Variants in IPMK observed in about 807,000 individuals in gnomAD.
IPMK encodes inositol polyphosphate multikinase.
Under a neutral mutation model 45.8 loss-of-function variants are expected in IPMK, and 17 were observed. The ratio of observed to expected loss-of-function variants is 0.37; its 90% CI spans 0.25 to 0.56. The LOEUF (loss-of-function observed/expected upper bound fraction) is 0.56, where lower values mean the gene tolerates loss of function less well. Ranked by LOEUF, IPMK falls within the 20% of genes least tolerant of loss-of-function variation. The probability of loss-of-function intolerance (pLI) is 0.79; values close to 1 mark genes in which losing one functional copy is unlikely to be tolerated. For synonymous variants in IPMK, 180 were observed against 184.3 expected (o/e 0.98, Z 0.19); for missense variants, 399 against 498.0 (o/e 0.80, Z 1.89).
intron 2 of IPMK, among the ~76,000 whole-genome samples, chr10:58,235,216 G>C (rs1838592190): frequency 2.0e-5 from 3 of 152,308 alleles, no homozygotes; most frequent in Admixed American, 6.5e-5. Flanking sequence ...TACACTGTTG[G>C]TGGGAGTGTA....
chr10:58,215,200 A>C (rs542813162), intron 4 of IPMK, among the ~76,000 whole-genome samples: 26 of 152,314 alleles, frequency 1.7e-4, no homozygotes, highest in Admixed American at 1.4e-3. Context: ...ATACAACCCA[A>C]ATAAATGAGA....
At chr10:58,209,538 A>T (rs1450359839) in intron 4 of IPMK, among the ~76,000 whole-genome samples, 2 of 152,200 alleles carry the variant, frequency 1.3e-5, no homozygotes, top group East Asian at 3.8e-4. Context: ...CTAGCTACTC[A>T]GCAAGGCTAC....
chr10:58,237,132 C>G (rs952786245), intron 2 of IPMK, among the ~76,000 whole-genome samples: 1 of 152,172 alleles, frequency 6.6e-6, no homozygotes, highest in African/African-American at 2.4e-5. Context: ...TCCCATTCCA[C>G]CCTTCTCCAC....
At chr10:58,218,767 T>C (rs1324461814) in intron 3 of IPMK, among the ~76,000 whole-genome samples, 3 of 152,212 alleles carry the variant, frequency 2.0e-5, no homozygotes, top group East Asian at 1.9e-4. Flanking sequence ...AAGATAAAGA[T>C]AAGAGAAGCT....
At chr10:58,219,873 A>G (rs1249965403) in intron 3 of IPMK, among the ~76,000 whole-genome samples, 4 of 152,234 alleles carry the variant, frequency 2.6e-5, no homozygotes, top group African/African-American at 9.6e-5. Flanking sequence ...CCCATGCCCT[A>G]AAGGCCCAGT....
chr10:58,220,017 C>T (rs138052246), intron 3 of IPMK, among the ~76,000 whole-genome samples: 18 of 152,336 alleles, frequency 1.2e-4, no homozygotes, highest in Middle Eastern at 3.4e-3. Flanking sequence ...CCTTTGCCAA[C>T]ACCATCATAC....
In IPMK at chr10:58,216,181, T is replaced by G. The variant is rs752210864; in HGVS notation, c.510A>C (p.Leu170Phe). The G allele has an allele frequency of 8.1e-6, 13 of 1,609,014 alleles. No homozygotes were observed. The highest frequency in any genetic ancestry group is 1.1e-5 in the Non-Finnish European group (13 of 1,178,244). Residue 170 changes from leucine (L) to phenylalanine (F), a missense_variant, in exon 4 of 6, where the codon TTA (leucine) becomes TTC (phenylalanine). Coordinates refer to ENST00000373935, the MANE Select transcript of IPMK (RefSeq NM_152230.5). ...GCACCAAGAACCCAATCTCTTCCAT[T>G]AATGGGTACTTGCTGACCTGTTGCT... ...KIQQQVSKYP[L>F]MEEIGFLVLG...
chr10:58,240,365 T>A (rs1347301268), intron 1 of IPMK, among the ~76,000 whole-genome samples: 3 of 132,078 alleles, frequency 2.3e-5, no homozygotes, highest in African/African-American at 1.1e-4. Context: ...TACAGAAAAG[T>A]ATCTAAAAAG....
Position 58,201,529 on chromosome 10 carries a change from T to C in IPMK, c.547-2208A>G, listed in dbSNP as rs1837998412. On this transcript the variant is annotated intron_variant, in intron 4 of 5. Coordinates refer to ENST00000373935, the MANE Select transcript of IPMK (RefSeq NM_152230.5). ...CCTGACTGTTCCACTGACCAGCTGT[T>C]CCCCCATCTCTCTTCCTCTCTTCAG... Among the ~76,000 whole-genome samples, 3 of 152,078 alleles carry C rather than the reference T, an allele frequency of 2.0e-5. No homozygotes were observed. The South Asian group carries it at 6.2e-4, about 32-fold the overall frequency.
At chr10:58,213,322 T>C (rs1838193903) in intron 4 of IPMK, among the ~76,000 whole-genome samples, 1 of 152,300 alleles carries the variant, frequency 6.6e-6, no homozygotes, top group Non-Finnish European at 1.5e-5. Context: ...TAGAGAGCCC[T>C]GCTTAAGAAG....
chr10:58,221,903 C>T (rs1320120321), intron 3 of IPMK, among the ~76,000 whole-genome samples: 2 of 152,120 alleles, frequency 1.3e-5, no homozygotes, highest in Non-Finnish European at 2.9e-5. Context: ...TGCCTACCAC[C>T]ATGCCCAGCT....
intron 4 of IPMK, among the ~76,000 whole-genome samples, chr10:58,209,594 C>T (rs976615085): frequency 1.3e-5 from 2 of 152,178 alleles, no homozygotes; most frequent in South Asian, 2.1e-4. Context: ...GCCTGTGATG[C>T]GATCAGTCTT....
chr10:58,211,901 CAAAA>C (rs753050298), intron 4 of IPMK, among the ~76,000 whole-genome samples: 79 of 50,366 alleles, frequency 1.6e-3, no homozygotes, highest in African/African-American at 6.4e-3. Flanking sequence ...GACATCTCAC[CAAAA>C]AAAAAAAAAA....
Position 58,237,765 on chromosome 10 carries a change from A to C in IPMK, c.240T>G (p.Pro80=), listed in dbSNP as rs998143861. Residue 80 remains proline, a synonymous_variant, in exon 2 of 6, where the codon CCT becomes CCG. Coordinates refer to ENST00000373935, the MANE Select transcript of IPMK (RefSeq NM_152230.5). ...ATTCCAGCTCTCTTGGGCCCCTTGG[A>C]GGTGGTTGTAACTGTTTCAAAACTG... The part of the protein sequence containing the change: ...DGTVLKQLQP[P]PRGPRELEFY... 6.2e-7 allele frequency: 1 copy of C among 1,613,410 alleles called. No homozygotes were observed. Among genetic ancestry groups the C allele is most frequent in the African/African-American group, 1.3e-5 (1 of 74,908 alleles).
rs879059619 is a variant in IPMK at position 58,194,400 on chromosome 10, G to A, written c.*1676C>T. The A allele has an allele frequency of 1.3e-5, 2 of 151,556 alleles. No individual in the cohort carries two copies. Among genetic ancestry groups the A allele is most frequent in the Admixed American group, 1.3e-4 (2 of 15,230 alleles). 9.4% of individuals were successfully genotyped at this position (151,556 alleles called of 1,614,324 possible). A position where few individuals can be genotyped will look rare whatever the true frequency, so the allele number is the denominator to read the frequency against. On this transcript the variant is annotated 3_prime_UTR_variant, in exon 6 of 6. Coordinates refer to ENST00000373935, the MANE Select transcript of IPMK (RefSeq NM_152230.5). ...TCCATTCAAAAAGTGAAGAAAAATT[G>A]GAAGTCCCTATGATAAATACACCAA...
Position 58,209,216 on chromosome 10 carries a change from A to T in IPMK, c.546+6929T>A, listed in dbSNP as rs556399776. On this transcript the variant is annotated intron_variant, in intron 4 of 5. Coordinates refer to ENST00000373935, the MANE Select transcript of IPMK (RefSeq NM_152230.5). ...AGGTGCCTCCATGCTGCATTCCTGT[A>T]GGGGATGCCCCAGCTATGTCTACAG... 5.9e-5 allele frequency among the ~76,000 whole-genome samples: 9 copies of T among 152,236 alleles called. No homozygotes were observed. In the South Asian group the frequency reaches 1.9e-3, roughly 32 times the overall value.
At chr10:58,229,737 A>T (rs2132160637) in intron 2 of IPMK, among the ~76,000 whole-genome samples, 1 of 152,236 alleles carries the variant, frequency 6.6e-6, no homozygotes, top group South Asian at 2.1e-4. Flanking sequence ...GTGTTCCAAG[A>T]TGGTCGAATA....
chr10:58,235,789 A>T (rs1838602270), intron 2 of IPMK, among the ~76,000 whole-genome samples: 1 of 152,180 alleles, frequency 6.6e-6, no homozygotes, highest in Non-Finnish European at 1.5e-5. Flanking sequence ...GTGCACATGT[A>T]TCCTAGAACT....
chr10:58,264,486 ATT>A (rs1428961302), intron 1 of IPMK, among the ~76,000 whole-genome samples: 2 of 152,176 alleles, frequency 1.3e-5, no homozygotes, highest in Admixed American at 1.3e-4. Context: ...GATTTCCATC[ATT>A]TGTTTAAAAC....
Sources: gnomAD v4.1 joint callset for allele counts (sites outside exome capture counted in the v4.1 genomes callset) on GRCh38, gnomAD v4.1.1 for gene constraint, MANE v1.5 for transcripts, NCBI Gene and HGNC (gene_info 2026-07-23, HGNC 2026-07-21) for gene names.